ADGRL2: variants seen among roughly 807,000 people sequenced by gnomAD.
ADGRL2 encodes adhesion G protein-coupled receptor L2.
ADGRL2 carries 44 observed loss-of-function variants against 157.4 expected under a neutral mutation model. That is an observed-to-expected ratio of 0.28 (90% CI 0.22 to 0.36). The LOEUF is 0.36. Ranked by LOEUF, ADGRL2 falls within the 10% of genes least tolerant of loss-of-function variation. The probability of loss-of-function intolerance (pLI) is 1.00; values close to 1 mark genes in which losing one functional copy is unlikely to be tolerated. For synonymous variants in ADGRL2, 585 were observed against 624.7 expected, an observed-to-expected ratio of 0.94 and a Z score of 0.95; for missense variants, 1,510 against 1,768.9, an observed-to-expected ratio of 0.85 and a Z score of 2.63.
intron 3 of ADGRL2, among the ~76,000 whole-genome samples, chr1:81,926,688 C>A (rs2095115157): frequency 6.6e-6 from 1 of 151,706 alleles, no homozygotes; most frequent in South Asian, 2.1e-4. Context: ...GGTTTTTATT[C>A]CCATTTAAAT....
intron 2 of ADGRL2, among the ~76,000 whole-genome samples, chr1:81,448,069 A>T (rs1352229494): frequency 6.8e-6 from 1 of 148,026 alleles, no homozygotes; most frequent in African/African-American, 2.5e-5. Flanking sequence ...AGATCCTGCC[A>T]TGCTTCCTGT....
At chr1:81,797,167 T>G (rs764745179), upstream of ADGRL2, among the ~76,000 whole-genome samples, 1 of 152,218 alleles carries the variant, frequency 6.6e-6, no homozygotes, top group African/African-American at 2.4e-5. Context: ...CAAGTAATGA[T>G]GAAGAAAATG....
Position 81,683,418 on chromosome 1 carries a change from T to A in ADGRL2, c.-142-78393T>A, listed in dbSNP as rs552758769. On this transcript the variant is annotated intron_variant, in intron 3 of 24. Coordinates refer to the ADGRL2 transcript ENST00000370721. Reference sequence around the variant, plus strand: ...CAACCGAGCAGTATACACTGCACCATATTTGTAGTCTTTTATCCCTTGCCT... The same window carrying A: ...CAACCGAGCAGTATACACTGCACCAAATTTGTAGTCTTTTATCCCTTGCCT... Among the ~76,000 whole-genome samples, 78 of 152,256 alleles carry A rather than the reference T, an allele frequency of 5.1e-4. 1 individual carries two copies. The South Asian group carries it at 0.016, about 32-fold the overall frequency.
At chr1:81,761,271 T>C (rs1047306757) in intron 1 of ADGRL2, among the ~76,000 whole-genome samples, 14 of 151,942 alleles carry the variant, frequency 9.2e-5, no homozygotes, top group African/African-American at 2.9e-4. Context: ...AATATCACTA[T>C]TGAGAAAATT....
chr1:81,804,551 T>G (rs898369826), intron 1 of ADGRL2, among the ~76,000 whole-genome samples: 1 of 152,254 alleles, frequency 6.6e-6, no homozygotes, highest in African/African-American at 2.4e-5. Context: ...GGATTCAGGC[T>G]GTGTTTCTGA....
intron 1 of ADGRL2, among the ~76,000 whole-genome samples, chr1:81,806,743 T>G (rs1157873968): frequency 1.3e-5 from 2 of 151,728 alleles, no homozygotes; most frequent in Non-Finnish European, 3.0e-5. Context: ...AGAAATCTGT[T>G]TTCATTTTAA....
intron 2 of ADGRL2, among the ~76,000 whole-genome samples, chr1:81,567,216 A>G (rs531182337): frequency 6.6e-6 from 1 of 152,290 alleles, no homozygotes; most frequent in East Asian, 1.9e-4. Context: ...TGTTCAACAT[A>G]GTAGTCACTA....
intron 2 of ADGRL2, among the ~76,000 whole-genome samples, chr1:81,452,886 A>G (rs4650551): frequency 1.3e-5 from 2 of 151,968 alleles, no homozygotes; most frequent in African/African-American, 4.8e-5. Flanking sequence ...GGCAATGGGA[A>G]CTCAAGAGGA....
intron 1 of ADGRL2, among the ~76,000 whole-genome samples, chr1:81,342,913 CTCTGT>C (rs1194576581): frequency 1.3e-5 from 2 of 151,944 alleles, no homozygotes; most frequent in Non-Finnish European, 2.9e-5. Flanking sequence ...CCAAACTGCA[CTCTGT>C]GTTTTTCTAG....
intron 3 of ADGRL2, among the ~76,000 whole-genome samples, chr1:81,603,965 C>CT (rs35950804): frequency 0.029 from 3,864 of 131,882 alleles, 163 homozygotes; most frequent in African/African-American, 0.096. Flanking sequence ...ATATCTTTTT[C>CT]TTTTTTTTTT....
intron 1 of ADGRL2, among the ~76,000 whole-genome samples, chr1:81,743,708 C>T (rs553706372): frequency 1.3e-5 from 2 of 151,972 alleles, no homozygotes; most frequent in Non-Finnish European, 2.9e-5. Context: ...GCAAAGCTCC[C>T]TTATTACCGT....
intron 3 of ADGRL2, among the ~76,000 whole-genome samples, chr1:81,929,720 G>A (rs977827947): frequency 2.6e-5 from 4 of 152,162 alleles, no homozygotes; most frequent in Non-Finnish European, 2.9e-5. Context: ...TAAAGAGTAC[G>A]CACAGTGCAG....
intron 2 of ADGRL2, 95 bp from the exon 3 acceptor site, chr1:81,906,922 G>A (rs570953325): frequency 6.7e-5 from 66 of 984,924 alleles, no homozygotes; most frequent in Middle Eastern, 3.0e-4. Flanking sequence ...ATCTCTTGAC[G>A]ATAGACATGA....
chr1:81,454,336 C>A (rs1333853143), intron 2 of ADGRL2, among the ~76,000 whole-genome samples: 1 of 152,152 alleles, frequency 6.6e-6, no homozygotes, highest in Non-Finnish European at 1.5e-5. Flanking sequence ...CTTTGTTATG[C>A]ACAAACCTTC....
intron 19 of ADGRL2, among the ~76,000 whole-genome samples, chr1:81,983,905 AT>A (rs138758038): frequency 0.073 from 11,082 of 152,114 alleles, 401 homozygotes; most frequent in East Asian, 0.097. Context: ...GTGAATGAAA[AT>A]TGCATAAATA....
chr1:81,628,389 A>G (rs921195083), intron 3 of ADGRL2, among the ~76,000 whole-genome samples: 1 of 152,170 alleles, frequency 6.6e-6, no homozygotes, highest in African/African-American at 2.4e-5. Flanking sequence ...ATATTTTCTT[A>G]TGGTCCTGTG....
chr1:81,733,284 A>C (rs1408596477), intron 1 of ADGRL2, among the ~76,000 whole-genome samples: 1 of 152,238 alleles, frequency 6.6e-6, no homozygotes, highest in Non-Finnish European at 1.5e-5. Flanking sequence ...GTGTCGTATT[A>C]GTTTGCTAGG....
chr1:81,426,655 G>A (rs1480110124), intron 1 of ADGRL2: 8 of 469,288 alleles, frequency 1.7e-5, no homozygotes, highest in African/African-American at 1.6e-4. Flanking sequence ...GTATGGTAAT[G>A]AGACACCCCC....
intron 3 of ADGRL2, among the ~76,000 whole-genome samples, chr1:81,660,272 A>T (rs1557544999): frequency 6.6e-6 from 1 of 152,190 alleles, no homozygotes; most frequent in Non-Finnish European, 1.5e-5. Flanking sequence ...AAGTAATAAT[A>T]TGCTGTCTTT....
Sources: allele counts gnomAD v4.1 joint callset (sites outside exome capture counted in the v4.1 genomes callset), GRCh38; gene constraint gnomAD v4.1.1; transcripts MANE v1.5; gene names NCBI Gene and HGNC (gene_info 2026-07-23, HGNC 2026-07-21).